Variants in RBFOX1 observed in about 807,000 individuals in gnomAD.
RBFOX1 encodes RNA binding protein fox-1 homolog 1.
RBFOX1 carries 8 observed loss-of-function variants against 57.7 expected under a neutral mutation model. The ratio of observed to expected loss-of-function variants is 0.14; its 90% CI spans 0.08 to 0.25. RBFOX1 has a LOEUF of 0.25. RBFOX1 is among the 10% of genes least tolerant of loss of function. The probability of loss-of-function intolerance (pLI) is 1.00; values close to 1 mark genes in which losing one functional copy is unlikely to be tolerated. For missense variants in RBFOX1, 611 were observed against 548.5 expected (o/e 1.11, Z -1.14); for synonymous variants, 326 against 222.4 (o/e 1.47, Z -4.15).
intron 3 of RBFOX1, among the ~76,000 whole-genome samples, chr16:6,906,450 C>A (rs1398737558): frequency 6.6e-6 from 1 of 151,754 alleles, no homozygotes; most frequent in South Asian, 2.1e-4. Context: ...TGTGGAAATG[C>A]GACTTTATTT....
chr16:7,195,369 A>C (rs886070994), intron 4 of RBFOX1, among the ~76,000 whole-genome samples: 35 of 152,174 alleles, frequency 2.3e-4, no homozygotes, highest in African/African-American at 7.7e-4. Context: ...TGGTGTGCAA[A>C]TTTGTCCACT....
chr16:6,889,229 T>C (rs1456195250), intron 3 of RBFOX1, among the ~76,000 whole-genome samples: 1 of 152,188 alleles, frequency 6.6e-6, no homozygotes. Context: ...TCCATGAAAG[T>C]GAGTCTTCTC....
At chr16:7,203,234 G>A (rs1021339311) in intron 4 of RBFOX1, among the ~76,000 whole-genome samples, 6 of 152,124 alleles carry the variant, frequency 3.9e-5, no homozygotes, top group Admixed American at 6.5e-5. Context: ...AAATTCTGAC[G>A]CATGCTTCAC....
intron 4 of RBFOX1, among the ~76,000 whole-genome samples, chr16:7,212,856 A>G (rs1361772721): frequency 6.6e-6 from 1 of 152,110 alleles, no homozygotes; most frequent in Non-Finnish European, 1.5e-5. Flanking sequence ...AAAAAGAATA[A>G]CTTAGGCTAC....
At chr16:6,807,892 ATTATTG>A (rs2087281320) in intron 3 of RBFOX1, among the ~76,000 whole-genome samples, 1 of 109,574 alleles carries the variant, frequency 9.1e-6, no homozygotes, top group African/African-American at 3.2e-5. Context: ...TTGAATATAT[ATTATTG>A]TGTGTGTGTG....
chr16:6,831,137 C>T (rs993649732), intron 3 of RBFOX1, among the ~76,000 whole-genome samples: 1 of 152,144 alleles, frequency 6.6e-6, no homozygotes, highest in Non-Finnish European at 1.5e-5. Flanking sequence ...ATTTTATTTG[C>T]AAGCGGTTTT....
intron 2 of RBFOX1, among the ~76,000 whole-genome samples, chr16:6,421,219 C>T (rs1163027822): frequency 6.6e-6 from 1 of 152,174 alleles, no homozygotes; most frequent in Non-Finnish European, 1.5e-5. Flanking sequence ...TACATCCTCT[C>T]CTTCGGGAGG....
At chr16:6,281,052 T>G (rs67896120) in intron 1 of RBFOX1, among the ~76,000 whole-genome samples, 24,858 of 149,782 alleles carry the variant, frequency 0.17, 2,288 homozygotes, top group Non-Finnish European at 0.2. Flanking sequence ...AACATGCAGG[T>G]CTGCTTTGGA....
chr16:6,289,289 G>T (rs2077215004), intron 1 of RBFOX1, among the ~76,000 whole-genome samples: 1 of 152,050 alleles, frequency 6.6e-6, no homozygotes, highest in Non-Finnish European at 1.5e-5. Context: ...GTGGAGGTAG[G>T]ATGGAAGGGT....
chr16:5,885,452 A>C (rs1381223165), intron 4 of RBFOX1, among the ~76,000 whole-genome samples: 1 of 152,162 alleles, frequency 6.6e-6, no homozygotes, highest in African/African-American at 2.4e-5. Context: ...ATCACAAAAC[A>C]TGTTAGCTAA....
intron 3 of RBFOX1, among the ~76,000 whole-genome samples, chr16:5,863,247 T>C (rs1374290730): frequency 6.6e-6 from 1 of 151,950 alleles, no homozygotes; most frequent in African/African-American, 2.4e-5. Flanking sequence ...GGAAGGGAAA[T>C]GATTAAAGGG....
intron 1 of RBFOX1, among the ~76,000 whole-genome samples, chr16:5,274,336 C>A (rs182270778): frequency 6.6e-6 from 1 of 152,250 alleles, no homozygotes; most frequent in East Asian, 1.9e-4. Flanking sequence ...CGAGACCAGC[C>A]TGGCCAACAT....
At chr16:7,584,787 A>C (rs554531278) in intron 6 of RBFOX1, among the ~76,000 whole-genome samples, 1 of 152,322 alleles carries the variant, frequency 6.6e-6, no homozygotes, top group South Asian at 2.1e-4. Context: ...TGATACTATA[A>C]ATATAGTACA....
intron 3 of RBFOX1, among the ~76,000 whole-genome samples, chr16:5,802,179 C>G (rs1272491716): frequency 2.0e-5 from 3 of 152,158 alleles, no homozygotes; most frequent in Non-Finnish European, 4.4e-5. Flanking sequence ...ATTTTATTTG[C>G]TGCCCAAACT....
At chr16:7,185,782 A>G (rs890694694) in intron 4 of RBFOX1, among the ~76,000 whole-genome samples, 1 of 152,204 alleles carries the variant, frequency 6.6e-6, no homozygotes, top group Admixed American at 6.5e-5. Context: ...AAGTCTTTAC[A>G]CTGGCATATG....
At chr16:5,348,136 A>G (rs1336001638) in intron 1 of RBFOX1, among the ~76,000 whole-genome samples, 1 of 140,332 alleles carries the variant, frequency 7.1e-6, no homozygotes, top group Non-Finnish European at 1.5e-5. Flanking sequence ...CCACCTATCC[A>G]TCCACCCATG....
intron 3 of RBFOX1, among the ~76,000 whole-genome samples, chr16:6,842,832 C>G (rs928413237): frequency 6.6e-6 from 1 of 151,938 alleles, no homozygotes; most frequent in East Asian, 1.9e-4. Context: ...TCCCCCAACC[C>G]CCTGACAGGC....
At chr16:7,194,698 TG>T (rs1379511576) in intron 4 of RBFOX1, among the ~76,000 whole-genome samples, 4 of 152,122 alleles carry the variant, frequency 2.6e-5, no homozygotes, top group Non-Finnish European at 4.4e-5. Flanking sequence ...GAGGTTGAGG[TG>T]GGTGGATTGC....
At chr16:7,222,918 C>G (rs2152861113) in intron 4 of RBFOX1, among the ~76,000 whole-genome samples, 1 of 152,204 alleles carries the variant, frequency 6.6e-6, no homozygotes, top group Admixed American at 6.5e-5. Context: ...TTTGCTCAAC[C>G]AGTCCTCTCA....
Sources: gnomAD v4.1 joint callset for allele counts (sites outside exome capture counted in the v4.1 genomes callset) on GRCh38, gnomAD v4.1.1 for gene constraint, MANE v1.5 for transcripts, NCBI Gene and HGNC (gene_info 2026-07-23, HGNC 2026-07-21) for gene names.